Variants in IL12RB2 observed in about 807,000 individuals in gnomAD.
IL12RB2 encodes the protein interleukin 12 receptor subunit beta 2, also known as interleukin-12 receptor subunit beta-2.
IL12RB2 carries 82 observed loss-of-function variants against 89.4 expected under a neutral mutation model. That is an observed-to-expected ratio of 0.92 (90% CI 0.77 to 1.10). The LOEUF (loss-of-function observed/expected upper bound fraction) is 1.10. Ranked by LOEUF, IL12RB2 falls within the 50% of genes least tolerant of loss-of-function variation. The pLI, the probability that IL12RB2 is intolerant of heterozygous loss-of-function variation, is 0.00. For missense variants in IL12RB2, 963 were observed against 1,031.9 expected (o/e 0.93, Z 0.92); for synonymous variants, 368 against 370.1 (o/e 0.99, Z 0.07).
At position 67,330,718 on chromosome 1, in the gene IL12RB2, A is replaced by G. The variant is rs1488479234; in HGVS notation, c.866A>G (p.Glu289Gly). The change falls in exon 8 of 17, where the codon GAA becomes GGA. Residue 289 changes from glutamate (E) to glycine (G), a missense_variant. Glu to Gly is a moderately conservative substitution (Grantham distance 98, BLOSUM62 -2). Coordinates refer to ENST00000674203, the MANE Select transcript of IL12RB2 (RefSeq NM_001374259.2). ...TTGCTGGATCTGAAACCATTTACAGAATATGAATTTCAGATTTCCTCTAAG... is the reference window on the plus strand; with the variant it reads ...TTGCTGGATCTGAAACCATTTACAGGATATGAATTTCAGATTTCCTCTAAG... ...HDLLDLKPFT[E>G]YEFQISSKLH... The G allele has an allele frequency of 2.6e-6, 4 of 1,528,234 alleles. No individual in the cohort carries two copies. Among genetic ancestry groups the G allele is most frequent in the Non-Finnish European group, 3.6e-6 (4 of 1,101,778 alleles). The allele number at this position is 1,528,234 out of a possible 1,614,324, so 94.7% of individuals were successfully genotyped here. A position where few individuals can be genotyped will look rare whatever the true frequency, so the allele number is the denominator to read the frequency against.
intron 9 of IL12RB2, among the ~76,000 whole-genome samples, chr1:67,340,787 A>G (rs528070225): frequency 1.3e-5 from 2 of 152,336 alleles, no homozygotes; most frequent in Admixed American, 6.5e-5. Context: ...TGCTTGGTAA[A>G]TGTGAGTATG....
intron 15 of IL12RB2, 137 bp from the exon 16 acceptor site, chr1:67,389,889 AATC>A: frequency 1.5e-6 from 1 of 672,328 alleles, no homozygotes; most frequent in Non-Finnish European, 2.7e-6. Context: ...TTGGATGATA[AATC>A]ATCTTTGTCT....
chr1:67,338,076 C>T (rs1659029039), intron 8 of IL12RB2, among the ~76,000 whole-genome samples: 1 of 151,482 alleles, frequency 6.6e-6, no homozygotes, highest in South Asian at 2.1e-4. Context: ...CCTATGTAAT[C>T]CCGGCACTTT....
At chr1:67,363,668 G>C (rs1454966900) in intron 10 of IL12RB2, among the ~76,000 whole-genome samples, 1 of 152,154 alleles carries the variant, frequency 6.6e-6, no homozygotes, top group Non-Finnish European at 1.5e-5. Flanking sequence ...TCCTAGCAAG[G>C]GATAAGAAGG....
At chr1:67,333,375 AAATT>A (rs940111283) in intron 8 of IL12RB2, among the ~76,000 whole-genome samples, 6 of 151,670 alleles carry the variant, frequency 4.0e-5, no homozygotes, top group Non-Finnish European at 4.4e-5. Flanking sequence ...CATTTAAAAA[AAATT>A]AATAGTAAGC....
chr1:67,372,978 T>C (rs1214088633), intron 13 of IL12RB2, among the ~76,000 whole-genome samples, 195 bp downstream of exon 13: 1 of 152,200 alleles, frequency 6.6e-6, no homozygotes, highest in Non-Finnish European at 1.5e-5. Context: ...CAGAAGGTTA[T>C]TGAATATGTG....
At position 67,395,870 on chromosome 1, in the gene IL12RB2, A is replaced by G. The variant is rs374447006; in HGVS notation, c.2370A>G (p.Pro790=). The change falls in exon 17 of 17, where the codon CCA becomes CCG. Residue 790 remains proline, a synonymous_variant. Transcript: ENST00000674203. ...CAGCCTGTCCCTGGACGGTGCTCCC[A>G]GCAGGTGACCTTCCCACCCATGATG... The part of the protein sequence containing the change: ...ENPACPWTVL[P]AGDLPTHDGY... The G allele has an allele frequency of 3.7e-6, 6 of 1,609,314 alleles. No individual in the cohort carries two copies. Among genetic ancestry groups the G allele is most frequent in the Admixed American group, 3.3e-5 (2 of 59,876 alleles).
intron 16 of IL12RB2, among the ~76,000 whole-genome samples, chr1:67,390,790 A>G (rs1665728650): frequency 6.6e-6 from 1 of 152,184 alleles, no homozygotes; most frequent in Non-Finnish European, 1.5e-5. Context: ...GTATCTGAAT[A>G]TGAAGACTAC....
At chr1:67,312,089 G>T (rs948515338) in intron 1 of IL12RB2, among the ~76,000 whole-genome samples, 1 of 152,124 alleles carries the variant, frequency 6.6e-6, no homozygotes, top group African/African-American at 2.4e-5. Context: ...TCTCAATAAA[G>T]GTCAATTGCT....
intron 15 of IL12RB2, among the ~76,000 whole-genome samples, 165 bp downstream of exon 15, chr1:67,386,834 T>C (rs1040990037): frequency 2.0e-4 from 30 of 149,838 alleles, no homozygotes; most frequent in Admixed American, 5.3e-4. Flanking sequence ...CTTAAAAATA[T>C]ATCTTTTGAT....
chr1:67,339,597 C>T (rs1249667444), intron 9 of IL12RB2, among the ~76,000 whole-genome samples: 1 of 152,098 alleles, frequency 6.6e-6, no homozygotes, highest in African/African-American at 2.4e-5. Flanking sequence ...ACAGTGAAGC[C>T]TGACATTATC....
chr1:67,392,206 T>C (rs552480329), intron 16 of IL12RB2, among the ~76,000 whole-genome samples: 1 of 152,326 alleles, frequency 6.6e-6, no homozygotes, highest in South Asian at 2.1e-4. Flanking sequence ...GGTATACATA[T>C]GCCCAAAGTT....
chr1:67,376,436 C>T (rs1437093555), intron 13 of IL12RB2, among the ~76,000 whole-genome samples: 4 of 152,176 alleles, frequency 2.6e-5, no homozygotes, highest in African/African-American at 4.8e-5. Context: ...GCTTTTCCAA[C>T]GACTGGCAAC....
chr1:67,309,035 C>T (rs1324488420), intron 1 of IL12RB2, among the ~76,000 whole-genome samples: 1 of 145,462 alleles, frequency 6.9e-6, no homozygotes, highest in Non-Finnish European at 1.5e-5. Context: ...TAAATACATA[C>T]ATACATATAC....
intron 8 of IL12RB2, among the ~76,000 whole-genome samples, chr1:67,332,556 A>T: frequency 6.6e-6 from 1 of 152,208 alleles, no homozygotes; most frequent in East Asian, 1.9e-4. Context: ...ATTACCACTC[A>T]TTTTATAATA....
chr1:67,366,317 G>A (rs928537387), intron 10 of IL12RB2, among the ~76,000 whole-genome samples: 4 of 151,896 alleles, frequency 2.6e-5, no homozygotes, highest in African/African-American at 9.7e-5. Context: ...TGGGTGTGGT[G>A]GCAGACGCCT....
chr1:67,374,777 CTTTTTTTTT>C (rs35122967), intron 13 of IL12RB2, among the ~76,000 whole-genome samples: 9 of 53,866 alleles, frequency 1.7e-4, no homozygotes, highest in East Asian at 7.3e-4. Flanking sequence ...AGCCCAGCCT[CTTTTTTTTT>C]TTTTTTTTTT....
intron 10 of IL12RB2, among the ~76,000 whole-genome samples, chr1:67,361,854 T>C (rs1377053656): frequency 6.6e-6 from 1 of 151,894 alleles, no homozygotes; most frequent in African/African-American, 2.4e-5. Flanking sequence ...CAAAAAAAAC[T>C]GTACCTACAT....
At chr1:67,340,927 C>T (rs1659455127) in intron 9 of IL12RB2, among the ~76,000 whole-genome samples, 1 of 152,162 alleles carries the variant, frequency 6.6e-6, no homozygotes, top group African/African-American at 2.4e-5. Context: ...AAACATGGCT[C>T]CTACTCCTGC....
Sources: allele counts gnomAD v4.1 joint callset (sites outside exome capture counted in the v4.1 genomes callset), GRCh38; gene constraint gnomAD v4.1.1; transcripts MANE v1.5; gene names NCBI Gene and HGNC (gene_info 2026-07-23, HGNC 2026-07-21).